The following PKP2 variants were observed in gnomAD, a reference collection of about 807,000 sequenced individuals.
The protein encoded by PKP2 is plakophilin 2.
In PKP2, 73 loss-of-function variants were observed where a neutral mutation model predicts 83.4. The ratio of observed to expected loss-of-function variants is 0.88; its 90% CI spans 0.72 to 1.06. The LOEUF is 1.06. Ranked by LOEUF, PKP2 falls within the 50% of genes least tolerant of loss-of-function variation. PKP2 has a pLI of 0.00. For synonymous variants in PKP2, 409 were observed against 430.4 expected, an observed-to-expected ratio of 0.95 and a Z score of 0.62; for missense variants, 966 against 1,065.4, an observed-to-expected ratio of 0.91 and a Z score of 1.30.
chr12:32,889,864 CAGG>C (rs959223508), intron 1 of PKP2, among the ~76,000 whole-genome samples: 2 of 151,966 alleles, frequency 1.3e-5, no homozygotes, highest in African/African-American at 4.8e-5. Context: ...GTGGATCGGT[CAGG>C]AGATCGAGAC....
chr12:32,874,321 T>C (rs1956916025), intron 3 of PKP2, among the ~76,000 whole-genome samples: 1 of 152,090 alleles, frequency 6.6e-6, no homozygotes, highest in Non-Finnish European at 1.5e-5. Context: ...GGAACTGAAA[T>C]GAGGCGTGGA....
intron 9 of PKP2, 25 bp downstream of exon 9, chr12:32,821,331 G>A (rs894654215): frequency 8.1e-6 from 13 of 1,600,402 alleles, no homozygotes; most frequent in Non-Finnish European, 1.1e-5. Context: ...ATTTTAAAAA[G>A]TAGGAAATCA....
intron 5 of PKP2, among the ~76,000 whole-genome samples, chr12:32,850,019 G>A: frequency 6.6e-6 from 1 of 152,200 alleles, no homozygotes; most frequent in East Asian, 1.9e-4. Flanking sequence ...ACTGGGTGTG[G>A]TTCTTGTCAG....
At chr12:32,871,263 CTT>C (rs1956893918) in intron 3 of PKP2, among the ~76,000 whole-genome samples, 1 of 152,070 alleles carries the variant, frequency 6.6e-6, no homozygotes, top group African/African-American at 2.4e-5. Flanking sequence ...CTCACCCATT[CTT>C]CAAGACTCAA....
intron 3 of PKP2, among the ~76,000 whole-genome samples, chr12:32,871,299 GTTC>G (rs545165109): frequency 1.3e-3 from 204 of 151,868 alleles, no homozygotes; most frequent in Non-Finnish European, 2.2e-3. Flanking sequence ...ATTTCTTCTT[GTTC>G]TTCTTTTTTT....
At chr12:32,809,169 G>A (rs1956253853) in intron 9 of PKP2, among the ~76,000 whole-genome samples, 1 of 152,142 alleles carries the variant, frequency 6.6e-6, no homozygotes, top group African/African-American at 2.4e-5. Flanking sequence ...CCTTCTGGGA[G>A]CTGCATCCCA....
chr12:32,871,467 T>A (rs1415901048), intron 3 of PKP2, among the ~76,000 whole-genome samples: 2 of 151,988 alleles, frequency 1.3e-5, no homozygotes, highest in African/African-American at 2.4e-5. Context: ...GGCTAATTTT[T>A]TTTTTTTATT....
At chr12:32,855,740 C>T (rs1956741030) in intron 4 of PKP2, among the ~76,000 whole-genome samples, 1 of 131,052 alleles carries the variant, frequency 7.6e-6, no homozygotes, top group Non-Finnish European at 1.5e-5. Context: ...CAAGCCTCTG[C>T]ACTCCAGCCT....
chr12:32,847,987 T>C (rs541571269), intron 5 of PKP2, among the ~76,000 whole-genome samples: 1 of 152,284 alleles, frequency 6.6e-6, no homozygotes, highest in South Asian at 2.1e-4. Context: ...GCTGTGATTC[T>C]CAGTACCTGA....
chr12:32,804,722 T>G (rs1956213277), intron 9 of PKP2, among the ~76,000 whole-genome samples: 1 of 152,216 alleles, frequency 6.6e-6, no homozygotes, highest in Non-Finnish European at 1.5e-5. Context: ...TTGGGTTGAT[T>G]CCATGTCTTT....
chr12:32,812,953 T>A (rs774729662), intron 9 of PKP2, among the ~76,000 whole-genome samples: 2 of 152,246 alleles, frequency 1.3e-5, no homozygotes, highest in Non-Finnish European at 2.9e-5. Context: ...TATTCCTGGT[T>A]GTAGCTGTAA....
chr12:32,848,239 G>A lies in PKP2; in HGVS notation c.1378+2527C>T, dbSNP rs184606757. Reference sequence around the variant, plus strand: ...GGAGCTCAAGACCAGCCTGATCAACGTGGCGAAACCCCGTCTCTACTAAAA... The same window carrying A: ...GGAGCTCAAGACCAGCCTGATCAACATGGCGAAACCCCGTCTCTACTAAAA... On this transcript the variant is annotated intron_variant, in intron 5 of 12. Transcript: ENST00000340811. Among the ~76,000 whole-genome samples the A allele has an allele frequency of 2.0e-5, 3 of 152,136 alleles. No individual in the cohort carries two copies. In the East Asian group the frequency reaches 5.8e-4, roughly 30 times the overall value.
chr12:32,818,727 T>C (rs1199485736), intron 9 of PKP2, among the ~76,000 whole-genome samples: 1 of 152,150 alleles, frequency 6.6e-6, no homozygotes, highest in African/African-American at 2.4e-5. Context: ...TTATTTCAGC[T>C]TGGGTTCTTT....
intron 3 of PKP2, among the ~76,000 whole-genome samples, chr12:32,875,582 C>T (rs539767281): frequency 6.6e-6 from 1 of 152,170 alleles, no homozygotes; most frequent in East Asian, 1.9e-4. Flanking sequence ...GGGTTATAAA[C>T]AATCACATGT....
At chr12:32,858,590 G>A in intron 4 of PKP2, among the ~76,000 whole-genome samples, 1 of 151,964 alleles carries the variant, frequency 6.6e-6, no homozygotes, top group East Asian at 1.9e-4. Flanking sequence ...TATAGACATC[G>A]AGATGAAAAA....
At chr12:32,885,091 C>T (rs533352575) in intron 1 of PKP2, among the ~76,000 whole-genome samples, 4 of 152,308 alleles carry the variant, frequency 2.6e-5, no homozygotes, top group South Asian at 2.1e-4. Flanking sequence ...TTAAACTCCA[C>T]TCTTCTCAAA....
chr12:32,877,736 T>A (rs1211937865), intron 3 of PKP2, 110 bp downstream of exon 3: 5 of 815,950 alleles, frequency 6.1e-6, no homozygotes, highest in Non-Finnish European at 1.1e-5. Flanking sequence ...TAATCACTTA[T>A]CTCTGGAAGC....
In PKP2 at chr12:32,792,655, C is replaced by G. The variant is rs1442811016; in HGVS notation, c.2434G>C (p.Ala812Pro). Residue 812 changes from alanine to proline, a missense_variant, in exon 12 of 13, where the codon GCC becomes CCC. Physicochemically the swap from Ala to Pro is conservative, Grantham distance 27. Transcript: ENST00000340811. Reference protein sequence around the residue: ...SLWAHTELHHAYKKAQFKKTD... With the variant: ...SLWAHTELHHPYKKAQFKKTD... ...GTTCATGTTCTTACCTTCTTGTAGGCATGATGCAGTTCCGTGTGTGCCCAC... is the reference window on the plus strand; with the variant it reads ...GTTCATGTTCTTACCTTCTTGTAGGGATGATGCAGTTCCGTGTGTGCCCAC... The G allele has an allele frequency of 6.2e-7, 1 of 1,613,700 alleles. No homozygotes were observed. Among genetic ancestry groups the G allele is most frequent in the Non-Finnish European group, 8.5e-7 (1 of 1,179,594 alleles).
intron 5 of PKP2, among the ~76,000 whole-genome samples, chr12:32,848,907 G>A (rs1956671722): frequency 6.6e-6 from 1 of 151,452 alleles, no homozygotes; most frequent in South Asian, 2.1e-4. Context: ...AAATGAAGCA[G>A]GTAGAAGAGC....
Sources: gnomAD v4.1 joint callset for allele counts (sites outside exome capture counted in the v4.1 genomes callset) on GRCh38, gnomAD v4.1.1 for gene constraint, MANE v1.5 for transcripts, NCBI Gene and HGNC (gene_info 2026-07-23, HGNC 2026-07-21) for gene names.